Variants in ABCB11 observed in about 807,000 individuals in gnomAD.
ABCB11 encodes bile salt export pump.
A neutral mutation model predicts 148.0 loss-of-function variants in ABCB11; 95 were observed. The ratio of observed to expected loss-of-function variants is 0.64; its 90% confidence interval spans 0.54 to 0.76. ABCB11 has a LOEUF of 0.76. ABCB11 is among the 30% of genes least tolerant of loss of function. ABCB11 has a pLI of 0.00. For missense variants in ABCB11, 1,523 were observed against 1,617.8 expected, an observed-to-expected ratio of 0.94 and a Z score of 1.01; for synonymous variants, 591 against 555.4, an observed-to-expected ratio of 1.06 and a Z score of -0.90.
chr2:169,024,599 T>C (rs1158353487), intron 1 of ABCB11, among the ~76,000 whole-genome samples: 1 of 152,088 alleles, frequency 6.6e-6, no homozygotes, highest in Non-Finnish European at 1.5e-5. Context: ...GAACCAATAT[T>C]GATACATTAT....
chr2:169,029,076 C>T (rs1242671976), intron 1 of ABCB11, among the ~76,000 whole-genome samples: 2 of 152,026 alleles, frequency 1.3e-5, no homozygotes, highest in Non-Finnish European at 2.9e-5. Flanking sequence ...CACCATGCCC[C>T]ACATCACACT....
At chr2:168,962,745 T>A (rs1339197099) in intron 18 of ABCB11, among the ~76,000 whole-genome samples, 2 of 151,738 alleles carry the variant, frequency 1.3e-5, no homozygotes, top group Non-Finnish European at 2.9e-5. Flanking sequence ...TAATACATCT[T>A]ATAGTTATCT....
At chr2:168,934,048 C>T (rs951927871) in intron 23 of ABCB11, among the ~76,000 whole-genome samples, 2 of 151,950 alleles carry the variant, frequency 1.3e-5, no homozygotes, top group African/African-American at 2.4e-5. Context: ...CCGCACCCAG[C>T]CTGTAGCCCC....
intron 1 of ABCB11, among the ~76,000 whole-genome samples, chr2:169,018,996 A>G (rs1042852813): frequency 1.3e-5 from 2 of 151,732 alleles, no homozygotes; most frequent in African/African-American, 4.9e-5. Context: ...TTAGCTGGCG[A>G]GAGGACTGTA....
chr2:168,925,946 A>G (rs1691289090), intron 26 of ABCB11, among the ~76,000 whole-genome samples: 1 of 152,212 alleles, frequency 6.6e-6, no homozygotes, highest in East Asian at 1.9e-4. Context: ...GGATTCAGCA[A>G]ATAGTAATTT....
rs987281608 is a variant in ABCB11, at chr2:168,921,756, TGG to T, written c.*1864_*1865del. ...AAAGCCTGGGGAAGCTCTGATCGAGTGGGTGCTTGTTGGTTGACAGGTGGGCT... is the reference window on the plus strand; with the variant it reads ...AAAGCCTGGGGAAGCTCTGATCGAGTGTGCTTGTTGGTTGACAGGTGGGCT... On this transcript the variant is annotated 3_prime_UTR_variant, in exon 28 of 28. Transcript: ENST00000650372. Among the ~76,000 whole-genome samples the T allele has an allele frequency of 6.6e-6, 1 of 151,728 alleles. No individual in the cohort carries two copies. Among genetic ancestry groups the T allele is most frequent in the African/African-American group, 2.4e-5 (1 of 41,256 alleles).
At chr2:168,995,270 A>T (rs879384821) in intron 7 of ABCB11, 79 bp downstream of exon 7, 199 of 1,467,164 alleles carry the variant, frequency 1.4e-4, no homozygotes, top group Non-Finnish European at 1.7e-4. Flanking sequence ...AAATATTTTT[A>T]AATTTTTATT....
chr2:168,922,563 CA>C lies in ABCB11; in HGVS notation c.*1058del, dbSNP rs1256161555. On this transcript the variant is annotated 3_prime_UTR_variant, in exon 28 of 28. Transcript: ENST00000650372. ...GATGTTTCTAGGCTCCCCCAACTAA[CA>C]GGTTACATTTTTGTTTTCTCTCATC... 1.3e-5 allele frequency among the ~76,000 whole-genome samples: 2 copies of C among 152,168 alleles called. No individual in the cohort carries two copies. Among genetic ancestry groups the C allele is most frequent in the African/African-American group, 4.8e-5 (2 of 41,432 alleles).
intron 23 of ABCB11, among the ~76,000 whole-genome samples, chr2:168,933,876 C>A (rs1179494219): frequency 6.6e-6 from 1 of 152,134 alleles, no homozygotes; most frequent in Non-Finnish European, 1.5e-5. Context: ...CTCAGCCTCC[C>A]AAGTAGCTGG....
At chr2:168,931,423 G>C (rs1006834761) in intron 24 of ABCB11, among the ~76,000 whole-genome samples, 1 of 152,150 alleles carries the variant, frequency 6.6e-6, no homozygotes, top group African/African-American at 2.4e-5. Flanking sequence ...AATTTAGAAA[G>C]ATTACAGAAT....
intron 21 of ABCB11, 34 bp downstream of exon 21, chr2:168,944,571 T>C (rs1485748752): frequency 4.5e-6 from 7 of 1,554,530 alleles, no homozygotes; most frequent in Non-Finnish European, 6.1e-6. Flanking sequence ...GCCAATGCAG[T>C]TAATATACTT....
intron 1 of ABCB11, among the ~76,000 whole-genome samples, chr2:169,024,413 CTCT>C (rs1695628330): frequency 6.6e-6 from 1 of 151,552 alleles, no homozygotes; most frequent in African/African-American, 2.4e-5. Context: ...CCTGGTGAAT[CTCT>C]TTTAATTAAA....
intron 11 of ABCB11, among the ~76,000 whole-genome samples, chr2:168,978,312 C>A (rs1410610252): frequency 6.6e-6 from 1 of 151,430 alleles, no homozygotes; most frequent in African/African-American, 2.4e-5. Flanking sequence ...CACCCGGCTA[C>A]TTTTTAAATT....
chr2:168,998,268 G>C (rs1238130439), intron 5 of ABCB11, among the ~76,000 whole-genome samples: 1 of 151,978 alleles, frequency 6.6e-6, no homozygotes, highest in African/African-American at 2.4e-5. Flanking sequence ...ATTTTACTTA[G>C]AGAATAGTAG....
At chr2:168,973,914 G>T (rs1487439572) in intron 12 of ABCB11, 74 bp from the exon 13 acceptor site, 1 of 1,543,610 alleles carries the variant, frequency 6.5e-7, no homozygotes, top group African/African-American at 1.4e-5. Context: ...TACAGGTGCA[G>T]ATGCTTTGTG....
intron 7 of ABCB11, among the ~76,000 whole-genome samples, chr2:168,994,886 C>T (rs10208831): frequency 0.71 from 108,312 of 151,776 alleles, 39,354 homozygotes; most frequent in African/African-American, 0.84. Flanking sequence ...GAGTAAGTGC[C>T]GGAAGTCAGG....
At chr2:169,001,554 G>T (rs13404044) in intron 5 of ABCB11, among the ~76,000 whole-genome samples, 69,174 of 151,870 alleles carry the variant, frequency 0.46, 16,354 homozygotes, top group South Asian at 0.55. Flanking sequence ...GAGTGAGGGG[G>T]TGGCACAAGA....
intron 17 of ABCB11, among the ~76,000 whole-genome samples, chr2:168,967,372 G>A (rs1693365237): frequency 6.6e-6 from 1 of 151,808 alleles, no homozygotes; most frequent in South Asian, 2.1e-4. Flanking sequence ...GAAAACCCAA[G>A]TCTGAAAATT....
Position 168,978,960 on chromosome 2 carries a change from C to T in ABCB11, c.1197+906G>A, listed in dbSNP as rs192715232. Among the ~76,000 whole-genome samples, 13 of 151,928 alleles carry T rather than the reference C, an allele frequency of 8.6e-5. No homozygotes were observed. In the East Asian group the frequency reaches 1.6e-3, roughly 18 times the overall value. The stretch of plus-strand genomic sequence containing the variant: ...GTCTTGAACTCCTGGGCTCAGGTGA[C>T]GCGCCCACCTTGGCCTCCCAAAGTA... On this transcript the variant is annotated intron_variant, in intron 11 of 27. Transcript: ENST00000650372.
Sources: gnomAD v4.1 joint callset for allele counts (sites outside exome capture counted in the v4.1 genomes callset) on GRCh38, gnomAD v4.1.1 for gene constraint, MANE v1.5 for transcripts, NCBI Gene and HGNC (gene_info 2026-07-23, HGNC 2026-07-21) for gene names.